MCMBP: variants seen among roughly 807,000 people sequenced by gnomAD.
MCMBP encodes the protein mini-chromosome maintenance complex-binding protein.
Under a neutral mutation model 81.3 loss-of-function variants are expected in MCMBP, and 31 were observed. The observed-to-expected ratio is 0.38, with a 90% CI of 0.29 to 0.51. The LOEUF (loss-of-function observed/expected upper bound fraction) is 0.51, where lower values mean the gene tolerates loss of function less well. Ranked by LOEUF, MCMBP falls within the 20% of genes least tolerant of loss-of-function variation. The pLI is 0.87. For missense variants in MCMBP, 645 were observed against 772.1 expected (o/e 0.84, Z 1.95); for synonymous variants, 267 against 275.9 (o/e 0.97, Z 0.32).
intron 1 of MCMBP, among the ~76,000 whole-genome samples, chr10:119,862,567 A>C (rs1298425432): frequency 6.6e-6 from 1 of 152,230 alleles, no homozygotes; most frequent in African/African-American, 2.4e-5. Flanking sequence ...TCTGAATAAC[A>C]ACCAATTTGT....
intron 1 of MCMBP, among the ~76,000 whole-genome samples, chr10:119,862,800 T>A (rs1368680795): frequency 6.6e-6 from 1 of 152,230 alleles, no homozygotes; most frequent in African/African-American, 2.4e-5. Context: ...ATCCAGCTGT[T>A]CCCATCCTTG....
rs759648667 is a variant in MCMBP, at chr10:119,838,591, T to C, written c.1352A>G (p.Asn451Ser). The C allele has an allele frequency of 9.9e-6, 16 of 1,614,046 alleles. No individual in the cohort carries two copies. Among genetic ancestry groups the C allele is most frequent in the Admixed American group, 6.7e-5 (4 of 60,000 alleles). Residue 451 changes from asparagine (N) to serine (S), a missense_variant, in exon 12 of 16, where the codon AAT (asparagine) becomes AGT (serine). By Grantham distance (46) the Asn-to-Ser change is conservative. Coordinates refer to ENST00000369077, the MANE Select transcript of MCMBP (RefSeq NM_001256378.2). ...LVSGLLQLPSNTSLVIDETLL... is the reference protein window; with the variant it reads ...LVSGLLQLPSSTSLVIDETLL... ...AGTCTCATCGATTACAAGGGAAGTA[T>C]TGCTGGGCAGCTGGAGGAGCCCACT... is the stretch of plus-strand genomic sequence containing the variant.
At chr10:119,850,875 T>G (rs1017815965) in intron 6 of MCMBP, among the ~76,000 whole-genome samples, 13 of 127,646 alleles carry the variant, frequency 1.0e-4, no homozygotes, top group African/African-American at 3.5e-4. Flanking sequence ...ACAAGATCTG[T>G]TTTTTTTTTT....
At chr10:119,849,670 G>T in intron 6 of MCMBP, 94 bp from the exon 7 acceptor site, 1 of 1,155,274 alleles carries the variant, frequency 8.7e-7, no homozygotes, top group Non-Finnish European at 1.2e-6. Flanking sequence ...TGATATACGT[G>T]ATGCTTCTGA....
At chr10:119,855,065 A>G (rs1852982390) in intron 5 of MCMBP, among the ~76,000 whole-genome samples, 1 of 152,132 alleles carries the variant, frequency 6.6e-6, no homozygotes, top group Non-Finnish European at 1.5e-5. Flanking sequence ...ATTTATATAA[A>G]AGACAAACGA....
At chr10:119,863,503 G>A (rs984250570) in intron 1 of MCMBP, among the ~76,000 whole-genome samples, 12 of 151,582 alleles carry the variant, frequency 7.9e-5, no homozygotes, top group South Asian at 2.1e-4. Flanking sequence ...AGGCCGAGGC[G>A]GGCGGATCAC....
chr10:119,871,429 A>C (rs1435602215), intron 1 of MCMBP, among the ~76,000 whole-genome samples: 1 of 151,978 alleles, frequency 6.6e-6, no homozygotes, highest in East Asian at 1.9e-4. Context: ...ACGTCTATCC[A>C]GGCTTTTTTC....
In MCMBP at chr10:119,859,813, T is replaced by C; in HGVS notation, c.130A>G (p.Asn44Asp). The C allele has an allele frequency of 1.2e-6, 2 of 1,612,942 alleles. No individual in the cohort carries two copies. Among genetic ancestry groups the C allele is most frequent in the Non-Finnish European group, 1.7e-6 (2 of 1,179,192 alleles). ...AATAAGCTTACCCACTTAGGAGCAT[T>C]ATTTTCCTTCAGCTTTTCCTTAAAA... ...EYFKEKLKENNAPKWVPSLNE... is the reference protein window; with the variant it reads ...EYFKEKLKENDAPKWVPSLNE... The change falls in exon 2 of 16, where the codon AAT (asparagine) becomes GAT (aspartate). Residue 44 changes from asparagine (N) to aspartate (D), a missense_variant. Transcript: ENST00000369077.
At chr10:119,860,964 C>T (rs1343175659) in intron 1 of MCMBP, among the ~76,000 whole-genome samples, 2 of 152,192 alleles carry the variant, frequency 1.3e-5, no homozygotes, top group African/African-American at 2.4e-5. Flanking sequence ...ACTATTTACT[C>T]CTTACAATTA....
intron 10 of MCMBP, 45 bp downstream of exon 10, chr10:119,842,425 CCA>C: frequency 6.3e-7 from 1 of 1,576,826 alleles, no homozygotes; most frequent in African/African-American, 1.4e-5. Context: ...TCTTCCACTT[CCA>C]CACACACCAA....
At chr10:119,841,588 T>TA (rs538966178) in intron 10 of MCMBP, among the ~76,000 whole-genome samples, 21 of 152,368 alleles carry the variant, frequency 1.4e-4, no homozygotes, top group Admixed American at 1.2e-3. Flanking sequence ...CATCTGTGCT[T>TA]AGAGTGTAAC....
chr10:119,843,599 T>C (rs549197568), intron 8 of MCMBP, among the ~76,000 whole-genome samples, 173 bp from the exon 9 acceptor site: 2 of 152,336 alleles, frequency 1.3e-5, no homozygotes, highest in South Asian at 4.1e-4. Flanking sequence ...TCACACAGAC[T>C]TCAGGCTTGT....
chr10:119,861,567 C>A (rs1184536799), intron 1 of MCMBP, among the ~76,000 whole-genome samples: 1 of 151,780 alleles, frequency 6.6e-6, no homozygotes, highest in East Asian at 1.9e-4. Flanking sequence ...CGCTTGTATT[C>A]AAAATGGATG....
rs374473596 is a variant in MCMBP at position 119,847,749 on chromosome 10, C to G, written c.727-36G>C. 2.3e-4 allele frequency: 298 copies of G among 1,268,560 alleles called. No individual in the cohort carries two copies. The Middle Eastern group carries it at 3.9e-3, about 17-fold the overall frequency. The allele number at this position is 1,268,560 out of a possible 1,614,324, so 78.6% of individuals were successfully genotyped here. A position where few individuals can be genotyped will look rare whatever the true frequency, so the allele number is the denominator to read the frequency against. ...ACCACATGAAATCACACTGTTAGAA[C>G]AGACACAAAGCTTAAGATATTAGTC... On this transcript the variant is annotated intron_variant, in intron 7 of 15. Coordinates refer to ENST00000369077, the MANE Select transcript of MCMBP (RefSeq NM_001256378.2).
At chr10:119,842,697 C>A in intron 9 of MCMBP, 102 bp from the exon 10 acceptor site, 1 of 1,291,618 alleles carries the variant, frequency 7.7e-7, no homozygotes, top group Admixed American at 2.5e-5. Context: ...ATTCAGTCGA[C>A]AGTAGGTAAA....
Position 119,848,480 on chromosome 10 carries a change from GTGCATGCC to G in MCMBP, c.727-775_727-768del, listed in dbSNP as rs557704919. On this transcript the variant is annotated intron_variant, in intron 7 of 15. Coordinates refer to ENST00000369077, the MANE Select transcript of MCMBP (RefSeq NM_001256378.2). ...TATAAAGAACGAGCTGGGTGTGGTG[GTGCATGCC>G]TGTAATCTCAGCTACTCAGGAGGCT... 4.5e-3 allele frequency among the ~76,000 whole-genome samples: 682 copies of G among 152,162 alleles called. 3 individuals carry two copies. The highest frequency in any genetic ancestry group is 0.016 in the African/African-American group (658 of 41,498).
chr10:119,842,768 T>TC, intron 9 of MCMBP, 173 bp from the exon 10 acceptor site: 2 of 129,062 alleles, frequency 1.5e-5, no homozygotes, highest in Non-Finnish European at 3.1e-5. Context: ...TGCATCCTCC[T>TC]TTTTTTTTTT....
rs771666117 is a variant in MCMBP at position 119,831,594 on chromosome 10, C to G, written c.1803G>C (p.Leu601=). ...LHQLLVVARC[L]SLSAGQTTLS... ...GCGTTGTCTGACCAGCACTGAGAGA[C>G]AGACACCTGGTTTGAAACACAGAAA... is the stretch of plus-strand genomic sequence containing the variant. Residue 601 remains leucine, a synonymous_variant, in exon 16 of 16, where the codon CTG becomes CTC. Coordinates refer to ENST00000369077, the MANE Select transcript of MCMBP (RefSeq NM_001256378.2). 17 of 1,613,100 alleles carry G rather than the reference C, an allele frequency of 1.1e-5. No individual in the cohort carries two copies. Among genetic ancestry groups the G allele is most frequent in the African/African-American group, 2.7e-5 (2 of 74,866 alleles).
chr10:119,844,291 A>T (rs1276972877), intron 8 of MCMBP, among the ~76,000 whole-genome samples: 1 of 152,220 alleles, frequency 6.6e-6, no homozygotes, highest in Non-Finnish European at 1.5e-5. Flanking sequence ...TTGTGAGACG[A>T]CCAAAACAAA....
Sources: gnomAD v4.1 joint callset for allele counts (sites outside exome capture counted in the v4.1 genomes callset) on GRCh38, gnomAD v4.1.1 for gene constraint, MANE v1.5 for transcripts, NCBI Gene and HGNC (gene_info 2026-07-23, HGNC 2026-07-21) for gene names.